The following CNTNAP5 variants were observed in gnomAD, a reference collection of about 807,000 sequenced individuals.
The protein encoded by CNTNAP5 is contactin-associated protein-like 5.
In CNTNAP5, 72 loss-of-function variants were observed where a neutral mutation model predicts 150.2. The observed-to-expected ratio is 0.48, with a 90% CI of 0.40 to 0.58. The LOEUF (loss-of-function observed/expected upper bound fraction) is 0.58. CNTNAP5 is among the 20% of genes least tolerant of loss of function. The pLI is 0.00. For missense variants in CNTNAP5, 1,636 were observed against 1,626.2 expected, an observed-to-expected ratio of 1.01 and a Z score of -0.10; for synonymous variants, 672 against 619.8, an observed-to-expected ratio of 1.08 and a Z score of -1.25.
At chr2:124,818,288 C>T (rs1682410936) in intron 19 of CNTNAP5, among the ~76,000 whole-genome samples, 1 of 152,128 alleles carries the variant, frequency 6.6e-6, no homozygotes, top group Admixed American at 6.6e-5. Context: ...TAACTGGCTC[C>T]CAGAATTGCT....
chr2:124,299,368 G>A (rs571597041), intron 3 of CNTNAP5, among the ~76,000 whole-genome samples: 5 of 152,202 alleles, frequency 3.3e-5, no homozygotes, highest in African/African-American at 9.6e-5. Context: ...AGGCCTCAGT[G>A]CATTTTTCCC....
At chr2:124,796,703 T>C (rs1007056646) in intron 18 of CNTNAP5, among the ~76,000 whole-genome samples, 1 of 152,240 alleles carries the variant, frequency 6.6e-6, no homozygotes, top group Admixed American at 6.5e-5. Context: ...TATTATTATA[T>C]TGTAGGTGCC....
rs566223542 is a variant in CNTNAP5 at position 124,707,540 on chromosome 2, C to T, written c.2078-39689C>T. Among the ~76,000 whole-genome samples, 4 of 147,248 alleles carry T rather than the reference C, an allele frequency of 2.7e-5. No individual in the cohort carries two copies. The East Asian group carries it at 5.8e-4, about 21-fold the overall frequency. ...AAAAAAATCCTTCACATACTCCACC[C>T]ATCGCATCATTGTCATGTCTTAGCC... On this transcript the variant is annotated intron_variant, in intron 13 of 23. Coordinates refer to ENST00000682447, the MANE Select transcript of CNTNAP5 (RefSeq NM_001367498.1).
At chr2:124,045,958 T>A (rs1250479949) in intron 1 of CNTNAP5, among the ~76,000 whole-genome samples, 1 of 152,200 alleles carries the variant, frequency 6.6e-6, no homozygotes, top group East Asian at 1.9e-4. Flanking sequence ...TCTGCATATT[T>A]GCATTTTTCT....
intron 1 of CNTNAP5, among the ~76,000 whole-genome samples, chr2:124,129,546 G>A (rs975605115): frequency 6.6e-6 from 1 of 152,140 alleles, no homozygotes; most frequent in Non-Finnish European, 1.5e-5. Context: ...GAAGACAAAG[G>A]GCAAGGAAGA....
At chr2:124,778,432 G>A (rs1053522313) in intron 17 of CNTNAP5, 2 of 152,430 alleles carry the variant, frequency 1.3e-5, no homozygotes, top group African/African-American at 4.8e-5. Flanking sequence ...ATGCACAAGT[G>A]GTGTCTCAGC....
chr2:124,110,473 T>C (rs1683270029), intron 1 of CNTNAP5, among the ~76,000 whole-genome samples: 1 of 152,210 alleles, frequency 6.6e-6, no homozygotes, highest in Admixed American at 6.5e-5. Flanking sequence ...CATATTCATA[T>C]TAAAGAGAAA....
In CNTNAP5 at chr2:124,331,686, G is replaced by C. The variant is rs989383127; in HGVS notation, c.382-85757G>C. On this transcript the variant is annotated intron_variant, in intron 3 of 23. Coordinates refer to ENST00000682447, the MANE Select transcript of CNTNAP5 (RefSeq NM_001367498.1). ...CACTAACCAGAATTAGAATTAAAAG[G>C]CTCAAAAGAAAATACAAGATGTTAA... Among the ~76,000 whole-genome samples, 6 of 151,476 alleles carry C rather than the reference G, an allele frequency of 4.0e-5. No homozygotes were observed. In the East Asian group the frequency reaches 5.8e-4, roughly 15 times the overall value.
intron 6 of CNTNAP5, among the ~76,000 whole-genome samples, chr2:124,472,088 A>C (rs1446452641): frequency 6.6e-6 from 1 of 152,108 alleles, no homozygotes; most frequent in Non-Finnish European, 1.5e-5. Flanking sequence ...TGCTTGACAA[A>C]AGAAAACTAG....
intron 2 of CNTNAP5, among the ~76,000 whole-genome samples, chr2:124,238,123 A>C (rs1686799339): frequency 6.6e-6 from 1 of 152,104 alleles, no homozygotes; most frequent in Non-Finnish European, 1.5e-5. Flanking sequence ...TCTAGTGAGA[A>C]TTGCTCTTAT....
At chr2:124,182,235 T>C (rs572342767) in intron 1 of CNTNAP5, among the ~76,000 whole-genome samples, 2 of 152,294 alleles carry the variant, frequency 1.3e-5, no homozygotes, top group South Asian at 2.1e-4. Flanking sequence ...ATCCTTCATA[T>C]GAATATTGTT....
intron 13 of CNTNAP5, among the ~76,000 whole-genome samples, chr2:124,715,505 G>A (rs181216468): frequency 8.0e-4 from 121 of 152,060 alleles, no homozygotes; most frequent in Non-Finnish European, 7.1e-4. Flanking sequence ...AAAAAAGGAG[G>A]GTGGAATTTT....
chr2:124,754,829 A>G (rs1680804443), intron 14 of CNTNAP5, among the ~76,000 whole-genome samples: 1 of 152,126 alleles, frequency 6.6e-6, no homozygotes, highest in Non-Finnish European at 1.5e-5. Context: ...ATGGGATTAC[A>G]GGCGTGAACC....
intron 12 of CNTNAP5, among the ~76,000 whole-genome samples, chr2:124,618,285 A>G (rs1274615846): frequency 6.6e-6 from 1 of 152,190 alleles, no homozygotes; most frequent in Non-Finnish European, 1.5e-5. Flanking sequence ...GATGAGCAAC[A>G]GACTAAGAGG....
intron 1 of CNTNAP5, among the ~76,000 whole-genome samples, chr2:124,132,553 A>G (rs10496627): frequency 0.041 from 6,249 of 152,258 alleles, 429 homozygotes; most frequent in African/African-American, 0.14. Flanking sequence ...CAGATCAGCA[A>G]TTTAGTTAAC....
chr2:124,809,330 A>G (rs1573631492), intron 19 of CNTNAP5, among the ~76,000 whole-genome samples: 2 of 152,250 alleles, frequency 1.3e-5, no homozygotes, highest in East Asian at 1.9e-4. Context: ...CAACAACATA[A>G]TATCTTCAGC....
chr2:124,648,278 C>T (rs1470328554), intron 13 of CNTNAP5, among the ~76,000 whole-genome samples: 1 of 152,104 alleles, frequency 6.6e-6, no homozygotes, highest in Admixed American at 6.5e-5. Context: ...TTGAGCTTGA[C>T]ATAGAAAGTG....
At chr2:124,498,156 G>A (rs1442143307) in intron 7 of CNTNAP5, among the ~76,000 whole-genome samples, 1 of 152,180 alleles carries the variant, frequency 6.6e-6, no homozygotes, top group Non-Finnish European at 1.5e-5. Flanking sequence ...TTTAGTGGCA[G>A]AATGGCCTGA....
At chr2:124,870,149 G>C (rs1033279745) in intron 21 of CNTNAP5, among the ~76,000 whole-genome samples, 1 of 150,996 alleles carries the variant, frequency 6.6e-6, no homozygotes, top group Non-Finnish European at 1.5e-5. Flanking sequence ...TATTATAATA[G>C]TGAATCTTTT....
Sources: allele counts gnomAD v4.1 joint callset (sites outside exome capture counted in the v4.1 genomes callset), GRCh38; gene constraint gnomAD v4.1.1; transcripts MANE v1.5; gene names NCBI Gene and HGNC (gene_info 2026-07-23, HGNC 2026-07-21).